The following LRP1B variants were observed in gnomAD, a reference collection of about 807,000 sequenced individuals.
The protein encoded by LRP1B is LDL receptor related protein 1B.
LRP1B carries 217 observed loss-of-function variants against 556.6 expected under a neutral mutation model. That is an observed-to-expected ratio of 0.39 (90% CI 0.35 to 0.44). LRP1B has a LOEUF of 0.44. Among genes scored for constraint, LRP1B ranks in the 20% least tolerant of loss-of-function variants. The pLI is 1.00. For missense variants in LRP1B, 5,053 were observed against 5,620.8 expected (o/e 0.90, Z 3.23); for synonymous variants, 2,047 against 1,865.8 (o/e 1.10, Z -2.50).
At chr2:141,764,634 A>T (rs2105602117) in intron 2 of LRP1B, among the ~76,000 whole-genome samples, 1 of 152,244 alleles carries the variant, frequency 6.6e-6, no homozygotes, top group Admixed American at 6.5e-5. Context: ...TGACACCCTG[A>T]TCTTGGATTT....
chr2:141,102,221 G>A (rs1374842467), intron 7 of LRP1B, among the ~76,000 whole-genome samples: 1 of 151,924 alleles, frequency 6.6e-6, no homozygotes, highest in Non-Finnish European at 1.5e-5. Flanking sequence ...AGCCAAATAG[G>A]ATATATATCA....
intron 77 of LRP1B, among the ~76,000 whole-genome samples, chr2:140,337,543 T>C (rs1346420304): frequency 1.3e-5 from 2 of 151,884 alleles, no homozygotes; most frequent in African/African-American, 2.4e-5. Flanking sequence ...CCAAATGTCA[T>C]GTGCATGTCA....
intron 3 of LRP1B, among the ~76,000 whole-genome samples, chr2:141,367,376 C>T (rs746308011): frequency 5.9e-5 from 9 of 151,306 alleles, no homozygotes; most frequent in Non-Finnish European, 1.3e-4. Context: ...TAATAAGAAG[C>T]CACACTTGAA....
intron 32 of LRP1B, among the ~76,000 whole-genome samples, chr2:140,777,781 A>G: frequency 6.6e-6 from 1 of 152,170 alleles, no homozygotes; most frequent in Middle Eastern, 3.2e-3. Flanking sequence ...AAAAATGAAC[A>G]ATTACAAAAG....
At chr2:141,001,778 G>T (rs1018502195) in intron 15 of LRP1B, among the ~76,000 whole-genome samples, 1 of 152,128 alleles carries the variant, frequency 6.6e-6, no homozygotes, top group South Asian at 2.1e-4. Flanking sequence ...CTCTGTGTGT[G>T]CGTGTGCGTG....
intron 41 of LRP1B, among the ~76,000 whole-genome samples, chr2:140,652,411 C>T (rs1304787149): frequency 6.6e-6 from 1 of 151,788 alleles, no homozygotes; most frequent in African/African-American, 2.4e-5. Flanking sequence ...GAAAATATTG[C>T]ACAAGAAAAG....
intron 35 of LRP1B, among the ~76,000 whole-genome samples, chr2:140,742,467 T>C (rs1198710600): frequency 2.0e-5 from 3 of 152,190 alleles, no homozygotes; most frequent in Non-Finnish European, 4.4e-5. Flanking sequence ...TTAAAATATA[T>C]GTTATATCCC....
At chr2:140,965,644 G>A (rs1696186967) in intron 18 of LRP1B, among the ~76,000 whole-genome samples, 2 of 152,146 alleles carry the variant, frequency 1.3e-5, no homozygotes, top group Non-Finnish European at 2.9e-5. Flanking sequence ...CCATGTTGGT[G>A]TGCTGCACCC....
At chr2:140,419,344 G>A (rs547340991) in intron 66 of LRP1B, among the ~76,000 whole-genome samples, 2 of 152,256 alleles carry the variant, frequency 1.3e-5, no homozygotes, top group East Asian at 3.9e-4. Flanking sequence ...CTAATACCCA[G>A]TTATAGTCAG....
At chr2:141,117,199 G>A (rs549840165) in intron 7 of LRP1B, among the ~76,000 whole-genome samples, 5 of 148,080 alleles carry the variant, frequency 3.4e-5, no homozygotes, top group Non-Finnish European at 5.9e-5. Context: ...AGATAATATT[G>A]CCTCTGTAGG....
intron 1 of LRP1B, among the ~76,000 whole-genome samples, chr2:141,910,732 C>T (rs780995315): frequency 5.9e-5 from 9 of 152,038 alleles, no homozygotes; most frequent in African/African-American, 1.2e-4. Flanking sequence ...TTTTTCTATA[C>T]GATTTTAATC....
At chr2:140,350,690 T>C (rs1681916537) in intron 77 of LRP1B, 107 bp downstream of exon 77, 2 of 902,322 alleles carry the variant, frequency 2.2e-6, no homozygotes, top group East Asian at 3.0e-5. Context: ...GGGAGAATAA[T>C]TGAATATATT....
Position 140,875,566 on chromosome 2 carries a change from A to C in LRP1B, c.4170-7303T>G, listed in dbSNP as rs576621446. On this transcript the variant is annotated intron_variant, in intron 25 of 90. Transcript: ENST00000389484. ...AGTTATCACTTTGGTCAAATGAATG[A>C]CTAATTTTCAAAGACCTGCAATTAT... Among the ~76,000 whole-genome samples, 22 of 152,272 alleles carry C rather than the reference A, an allele frequency of 1.4e-4. No individual in the cohort carries two copies. In the South Asian group the frequency reaches 4.1e-3, roughly 29 times the overall value.
rs914044440 is a variant in LRP1B, at chr2:141,480,294, T to C, written c.343+102A>G. 6.9e-5 allele frequency: 83 copies of C among 1,203,310 alleles called. No homozygotes were observed. The South Asian group carries it at 9.6e-4, about 14-fold the overall frequency. The allele number at this position is 1,203,310 out of a possible 1,614,324, so 74.5% of individuals were successfully genotyped here. A position where few individuals can be genotyped will look rare whatever the true frequency, so the allele number is the denominator to read the frequency against. On this transcript the variant is annotated intron_variant, in intron 3 of 90. Transcript: ENST00000389484. ...ATTCATGCTTTCTTAATAACTGATA[T>C]GCTTGTAGTTGAAAGAAAAGGCAGG...
At chr2:141,382,303 G>A (rs1689671174) in intron 3 of LRP1B, among the ~76,000 whole-genome samples, 1 of 152,190 alleles carries the variant, frequency 6.6e-6, no homozygotes, top group Middle Eastern at 3.2e-3. Flanking sequence ...TCATAGCCCA[G>A]TAGTCTAAGA....
In LRP1B at chr2:141,146,813, G is replaced by A. The variant is rs1701795124; in HGVS notation, c.1013+41608C>T. 2.0e-5 allele frequency among the ~76,000 whole-genome samples: 3 copies of A among 152,114 alleles called. No homozygotes were observed. In the South Asian group the frequency reaches 6.2e-4, roughly 32 times the overall value. ...TGCTATTTTTTACTTTAAGAGGACTGGGATTACTATGATCCACTTGAAGAT... is the reference window on the plus strand; with the variant it reads ...TGCTATTTTTTACTTTAAGAGGACTAGGATTACTATGATCCACTTGAAGAT... On this transcript the variant is annotated intron_variant, in intron 7 of 90. Coordinates refer to ENST00000389484, the MANE Select transcript of LRP1B (RefSeq NM_018557.3).
At chr2:141,884,037 A>G (rs1383230630) in intron 1 of LRP1B, among the ~76,000 whole-genome samples, 1 of 152,136 alleles carries the variant, frequency 6.6e-6, no homozygotes, top group Non-Finnish European at 1.5e-5. Context: ...TATATTTTGC[A>G]TTTGTAATAC....
intron 7 of LRP1B, 34 bp downstream of exon 7, chr2:141,188,387 T>G (rs749790642): frequency 1.3e-6 from 2 of 1,590,738 alleles, no homozygotes; most frequent in Admixed American, 1.8e-5. Context: ...AAACGCAAAC[T>G]TTTTTAGACC....
At chr2:141,253,953 G>A (rs1340763724) in intron 4 of LRP1B, among the ~76,000 whole-genome samples, 3 of 152,172 alleles carry the variant, frequency 2.0e-5, no homozygotes, top group Non-Finnish European at 4.4e-5. Context: ...TTGGAATCAA[G>A]TGAATGGAAA....
Sources: gnomAD v4.1 joint callset for allele counts (sites outside exome capture counted in the v4.1 genomes callset) on GRCh38, gnomAD v4.1.1 for gene constraint, MANE v1.5 for transcripts, NCBI Gene and HGNC (gene_info 2026-07-23, HGNC 2026-07-21) for gene names.